The following MTFR1 variants were observed in gnomAD, a reference collection of about 807,000 sequenced individuals.
The protein encoded by MTFR1 is chondrocyte protein with a poly-proline region.
Under a neutral mutation model 38.8 loss-of-function variants are expected in MTFR1, and 28 were observed. The ratio of observed to expected loss-of-function variants is 0.72; its 90% confidence interval spans 0.53 to 0.99. The LOEUF is 0.99. Ranked by LOEUF, MTFR1 falls within the 50% of genes least tolerant of loss-of-function variation. The probability of loss-of-function intolerance (pLI) is 0.00; values close to 1 mark genes in which losing one functional copy is unlikely to be tolerated. For synonymous variants in MTFR1, 145 were observed against 137.0 expected (o/e 1.06, Z -0.41); for missense variants, 358 against 395.5 (o/e 0.91, Z 0.81).
intron 3 of MTFR1, among the ~76,000 whole-genome samples, chr8:65,737,819 T>G (rs1807215747): frequency 6.6e-6 from 1 of 152,158 alleles, no homozygotes; most frequent in Non-Finnish European, 1.5e-5. Flanking sequence ...ATGCCCAGCA[T>G]GTATGAAATA....
chr8:65,653,939 T>C (rs1205890785), intron 1 of MTFR1, among the ~76,000 whole-genome samples: 2 of 151,936 alleles, frequency 1.3e-5, no homozygotes, highest in African/African-American at 2.4e-5. Context: ...ATGATATGCC[T>C]ATAGTCCTAG....
chr8:65,722,065 C>T lies in MTFR1; in HGVS notation c.*48+2584C>T, dbSNP rs912701311. On this transcript the variant is annotated intron_variant, in intron 3 of 3. Coordinates refer to the MTFR1 transcript ENST00000521247. ...CTCGGCTTCCCAAAGTGCTGGGTTA[C>T]AAGTATGAGCTACCGCTCCTGGCCA... The T allele has an allele frequency of 1.1e-4, 16 of 152,126 alleles. 2 individuals are homozygous for T. The highest frequency in any genetic ancestry group is 9.8e-4 in the Admixed American group (15 of 15,270). The allele number at this position is 152,126 out of a possible 1,614,324, so 9.4% of individuals were successfully genotyped here.
intron 2 of MTFR1, among the ~76,000 whole-genome samples, chr8:65,671,562 AACTTC>A (rs992497257): frequency 1.7e-4 from 25 of 149,382 alleles, no homozygotes; most frequent in African/African-American, 6.1e-4. Flanking sequence ...AAAAAAAAAG[AACTTC>A]ACTTAGCTCA....
intron 3 of MTFR1, chr8:65,739,648 AT>A: frequency 1.4e-6 from 2 of 1,395,162 alleles, no homozygotes; most frequent in Non-Finnish European, 9.4e-7. Flanking sequence ...AGTCAACACA[AT>A]TATATTATGC....
In MTFR1 at chr8:65,704,729, A is replaced by G. The variant is rs1013086054; in HGVS notation, c.317A>G (p.Asp106Gly). The change falls in exon 5 of 8, where the codon GAC becomes GGC. Residue 106 changes from aspartate to glycine, a missense_variant. Asp to Gly is a moderately conservative substitution (Grantham distance 94). Transcript: ENST00000262146. ...EVRSRPPLQDDLLFFEKAPSR... is the reference protein window; with the variant it reads ...EVRSRPPLQDGLLFFEKAPSR... ...AGATCAAGGCCACCCCTTCAGGATG[A>G]CCTTCTTTTCTTTGAGAAGGCCCCA... 10 of 1,614,010 alleles carry G rather than the reference A, an allele frequency of 6.2e-6. No individual in the cohort carries two copies. Among genetic ancestry groups the G allele is most frequent in the Non-Finnish European group, 8.5e-6 (10 of 1,179,982 alleles).
At chr8:65,710,899 A>AGTT (rs1258308756), downstream of MTFR1, among the ~76,000 whole-genome samples, 3 of 152,086 alleles carry the variant, frequency 2.0e-5, no homozygotes, top group Non-Finnish European at 4.4e-5. Context: ...CCTTAAGAAT[A>AGTT]GTTATACCTC....
intron 3 of MTFR1, among the ~76,000 whole-genome samples, chr8:65,724,567 G>A (rs976595994): frequency 6.6e-6 from 1 of 152,076 alleles, no homozygotes; most frequent in African/African-American, 2.4e-5. Flanking sequence ...GAAATCTTGA[G>A]TATGAAAAAC....
chr8:65,684,931 G>A (rs1302267167), intron 3 of MTFR1, among the ~76,000 whole-genome samples: 1 of 152,072 alleles, frequency 6.6e-6, no homozygotes, highest in Non-Finnish European at 1.5e-5. Flanking sequence ...TTGAACCTGG[G>A]AGTTGGAGGT....
chr8:65,646,452 A>C (rs1209500905), intron 1 of MTFR1, among the ~76,000 whole-genome samples: 1 of 152,238 alleles, frequency 6.6e-6, no homozygotes, highest in African/African-American at 2.4e-5. Flanking sequence ...AATGGAAAAA[A>C]AAAAGCCTGA....
At chr8:65,716,922 C>T (rs1217532502) in intron 2 of MTFR1, among the ~76,000 whole-genome samples, 1 of 152,156 alleles carries the variant, frequency 6.6e-6, no homozygotes, top group Non-Finnish European at 1.5e-5. Context: ...AATATGGTAG[C>T]CACTAGCCAC....
rs1805869244 is a variant in MTFR1, at chr8:65,709,091, G to C, written c.*47G>C. 6.4e-7 allele frequency: 1 copy of C among 1,563,818 alleles called. No individual in the cohort carries two copies. Among genetic ancestry groups the C allele is most frequent in the Admixed American group, 1.7e-5 (1 of 59,842 alleles). ...ACTCCTGGTTCCCCTGTTGATTTGT[G>C]AGGGCCAAGTTTGCTAGTAGAAATC... is the stretch of plus-strand genomic sequence containing the variant. On this transcript the variant is annotated 3_prime_UTR_variant, in exon 8 of 8. Transcript: ENST00000262146.
At chr8:65,655,167 A>C (rs1290293512) in intron 1 of MTFR1, among the ~76,000 whole-genome samples, 1 of 152,230 alleles carries the variant, frequency 6.6e-6, no homozygotes, top group Non-Finnish European at 1.5e-5. Context: ...GTTATATTTC[A>C]GAGATTCTCA....
chr8:65,748,900 G>C (rs1807806395), intron 3 of MTFR1, among the ~76,000 whole-genome samples: 1 of 152,200 alleles, frequency 6.6e-6, no homozygotes, highest in Non-Finnish European at 1.5e-5. Context: ...TTGCAGGTAT[G>C]CTACTAGTAA....
In MTFR1 at chr8:65,645,114, T is replaced by A. The variant is rs556207974; in HGVS notation, c.-81+330T>A. 4.8e-3 allele frequency among the ~76,000 whole-genome samples: 724 copies of A among 152,272 alleles called. 6 individuals are homozygous for A. The highest frequency in any genetic ancestry group is 0.016 in the African/African-American group (673 of 41,556). On this transcript the variant is annotated intron_variant, in intron 1 of 7. Transcript: ENST00000262146. ...CCTCCCCCGACCTTCGGTCCATCTTTCGGACCCCCGGTTCCCGCGCCGGCC... is the reference window on the plus strand; with the variant it reads ...CCTCCCCCGACCTTCGGTCCATCTTACGGACCCCCGGTTCCCGCGCCGGCC...
At chr8:65,755,008 A>G (rs1457850110) in intron 3 of MTFR1, among the ~76,000 whole-genome samples, 1 of 143,342 alleles carries the variant, frequency 7.0e-6, no homozygotes, top group Non-Finnish European at 1.5e-5. Flanking sequence ...TTGCCTGTTT[A>G]TTTTTTTTTT....
chr8:65,748,766 G>C (rs1390971255), intron 3 of MTFR1, among the ~76,000 whole-genome samples: 1 of 152,050 alleles, frequency 6.6e-6, no homozygotes, highest in Non-Finnish European at 1.5e-5. Flanking sequence ...TGTGTATAAT[G>C]GCAATAATAT....
intron 4 of MTFR1, among the ~76,000 whole-genome samples, chr8:65,700,516 A>G (rs1439800086): frequency 6.6e-6 from 1 of 152,040 alleles, no homozygotes; most frequent in Non-Finnish European, 1.5e-5. Flanking sequence ...TTCTGTACAC[A>G]TTTTCATTTC....
downstream of MTFR1, among the ~76,000 whole-genome samples, chr8:65,774,812 A>C (rs1261102931): frequency 3.9e-5 from 6 of 152,260 alleles, no homozygotes; most frequent in Admixed American, 3.3e-4. Flanking sequence ...ATTTAATGAG[A>C]AACGTCCGGC....
intron 1 of MTFR1, among the ~76,000 whole-genome samples, chr8:65,652,302 G>T (rs527499644): frequency 6.6e-6 from 1 of 152,150 alleles, no homozygotes; most frequent in Non-Finnish European, 1.5e-5. Context: ...AAAAATATAG[G>T]CTGGTCTCAA....
Sources: gnomAD v4.1 joint callset for allele counts (sites outside exome capture counted in the v4.1 genomes callset) on GRCh38, gnomAD v4.1.1 for gene constraint, MANE v1.5 for transcripts, NCBI Gene and HGNC (gene_info 2026-07-23, HGNC 2026-07-21) for gene names.